CD109: variants seen among roughly 807,000 people sequenced by gnomAD.
The protein encoded by CD109 is CD109 molecule.
Under a neutral mutation model 165.8 loss-of-function variants are expected in CD109, and 149 were observed. That is an observed-to-expected ratio of 0.90 (90% CI 0.79 to 1.03). The LOEUF (loss-of-function observed/expected upper bound fraction) is 1.03, where lower values mean the gene tolerates loss of function less well. CD109 is among the 50% of genes least tolerant of loss of function. The probability of loss-of-function intolerance (pLI) is 0.00; values close to 1 mark genes in which losing one functional copy is unlikely to be tolerated. For synonymous variants in CD109, 585 were observed against 592.1 expected, an observed-to-expected ratio of 0.99 and a Z score of 0.18; for missense variants, 1,712 against 1,677.8, an observed-to-expected ratio of 1.02 and a Z score of -0.36.
At chr6:73,740,211 T>C (rs1448172468) in intron 5 of CD109, among the ~76,000 whole-genome samples, 1 of 152,150 alleles carries the variant, frequency 6.6e-6, no homozygotes. Context: ...ATTTTGTCTG[T>C]AGAAAAAATA....
upstream of CD109, among the ~76,000 whole-genome samples, chr6:73,692,792 G>A (rs1770711977): frequency 6.6e-6 from 1 of 152,122 alleles, no homozygotes. Context: ...TTATAAAGGG[G>A]AGTTCCCCTA....
At position 73,823,444 on chromosome 6, in the gene CD109, GCTT is replaced by G; in HGVS notation, c.4163-10_4163-8del. The stretch of plus-strand genomic sequence containing the variant: ...AAGGGAGCCGTGTGAACTGATGTCT[GCTT>G]CTTTGAACAGGGAGACAGGCGGTGA... On this transcript the variant is annotated splice_polypyrimidine_tract_variant and intron_variant, in intron 32 of 32. Transcript: ENST00000287097. 2 of 1,593,020 alleles carry G rather than the reference GCTT, an allele frequency of 1.3e-6. No homozygotes were observed. The highest frequency in any genetic ancestry group is 2.2e-5 in the South Asian group (2 of 89,372).
the CD109 span, among the ~76,000 whole-genome samples, chr6:73,688,674 G>A: frequency 1.3e-5 from 2 of 151,814 alleles, no homozygotes; most frequent in Admixed American, 1.3e-4. Context: ...GAGGGGAGAA[G>A]GGCTGGAAAT....
At chr6:73,681,717 C>A in the CD109 span, among the ~76,000 whole-genome samples, 4 of 152,010 alleles carry the variant, frequency 2.6e-5, no homozygotes, top group East Asian at 7.7e-4. Context: ...ATTCTCCTGT[C>A]TCAGACTCCT....
intron 5 of CD109, among the ~76,000 whole-genome samples, chr6:73,740,274 A>C (rs953949287): frequency 3.9e-5 from 6 of 152,192 alleles, no homozygotes; most frequent in African/African-American, 7.2e-5. Flanking sequence ...GAATTACCGG[A>C]GTTATCAGAG....
intron 5 of CD109, among the ~76,000 whole-genome samples, chr6:73,739,484 A>G (rs948571301): frequency 6.6e-6 from 1 of 152,154 alleles, no homozygotes; most frequent in African/African-American, 2.4e-5. Flanking sequence ...ACCATTAGAG[A>G]CTATATTTTT....
At position 73,780,448 on chromosome 6, in the gene CD109, A is replaced by G. The variant is rs1462994726; in HGVS notation, c.1852A>G (p.Asn618Asp). The change falls in exon 16 of 33, where the codon AAC becomes GAC. Residue 618 changes from asparagine (N) to aspartate (D), a missense_variant. Physicochemically the swap from Asn to Asp is conservative, Grantham distance 23. Transcript: ENST00000287097. ...GGTGGTCCATGAGTTGGAACTTTATAACACAGGATATTATTTAGGCATGTT... is the reference window on the plus strand; with the variant it reads ...GGTGGTCCATGAGTTGGAACTTTATGACACAGGATATTATTTAGGCATGTT... ...ENVVHELELY[N>D]TGYYLGMFMN... The G allele has an allele frequency of 5.0e-6, 8 of 1,607,822 alleles. No homozygotes were observed. In the African/African-American group the frequency reaches 1.1e-4, roughly 22 times the overall value.
At chr6:73,781,225 T>G in intron 16 of CD109, 34 bp from the exon 17 acceptor site, 2 of 1,554,450 alleles carry the variant, frequency 1.3e-6, no homozygotes, top group Non-Finnish European at 1.8e-6. Context: ...TTTAAACTTG[T>G]GTTTTAAAAG....
rs147041947 is a variant in CD109, at chr6:73,804,926, A to C, written c.2960+1625A>C. Reference sequence around the variant, plus strand: ...GCTCATCATCACTGGCCATCAGAGAAATGTAAATCAAAACCACAATGAGAT... The same window carrying C: ...GCTCATCATCACTGGCCATCAGAGACATGTAAATCAAAACCACAATGAGAT... On this transcript the variant is annotated intron_variant, in intron 24 of 32. Coordinates refer to ENST00000287097, the MANE Select transcript of CD109 (RefSeq NM_133493.5). Among the ~76,000 whole-genome samples, 84 of 152,354 alleles carry C rather than the reference A, an allele frequency of 5.5e-4. 1 individual carries two copies. The highest frequency in any genetic ancestry group is 1.9e-3 in the African/African-American group (81 of 41,588).
chr6:73,776,730 G>A (rs1347222251), intron 15 of CD109, among the ~76,000 whole-genome samples: 1 of 150,358 alleles, frequency 6.7e-6, no homozygotes, highest in Non-Finnish European at 1.5e-5. Flanking sequence ...GCTGATTTTT[G>A]TATTTTAATA....
chr6:73,734,433 A>G (rs1772474251), intron 4 of CD109, among the ~76,000 whole-genome samples: 1 of 152,190 alleles, frequency 6.6e-6, no homozygotes, highest in African/African-American at 2.4e-5. Context: ...GAAACACAAT[A>G]TTGTTTTCAT....
Position 73,696,285 on chromosome 6 carries a change from C to T in CD109, c.70C>T (p.Pro24Ser), listed in dbSNP as rs941441710. 3 of 1,524,790 alleles carry T rather than the reference C, an allele frequency of 2.0e-6. No homozygotes were observed. The Admixed American group carries it at 6.0e-5, about 31-fold the overall frequency. 94.5% of individuals were successfully genotyped at this position (1,524,790 alleles called of 1,614,324 possible). A position where few individuals can be genotyped will look rare whatever the true frequency, so the allele number is the denominator to read the frequency against. The change falls in exon 1 of 33, where the codon CCC (proline) becomes TCC (serine). Residue 24 changes from proline (P) to serine (S), a missense_variant. By Grantham distance (74) the Pro-to-Ser change is moderately conservative. Coordinates refer to ENST00000287097, the MANE Select transcript of CD109 (RefSeq NM_133493.5). ...CVCTAALAVA[P>S]GPRFLVTAPG... ...GTGCACCGCCGCGCTGGCCGTGGCTCCCGGGTAGGAACGTGGGCGCGCGGG... is the reference window on the plus strand; with the variant it reads ...GTGCACCGCCGCGCTGGCCGTGGCTTCCGGGTAGGAACGTGGGCGCGCGGG...
intron 2 of CD109, among the ~76,000 whole-genome samples, chr6:73,720,204 C>T (rs994494869): frequency 1.3e-5 from 2 of 152,080 alleles, no homozygotes; most frequent in African/African-American, 4.8e-5. Context: ...GAGGTCTTGT[C>T]ATTTTCAGTG....
At chr6:73,703,173 C>G (rs1212105560) in intron 2 of CD109, among the ~76,000 whole-genome samples, 1 of 152,182 alleles carries the variant, frequency 6.6e-6, no homozygotes, top group Non-Finnish European at 1.5e-5. Context: ...TATCTGAGGT[C>G]CAGAGACCAT....
At chr6:73,707,958 ATC>A (rs1291471073) in intron 2 of CD109, among the ~76,000 whole-genome samples, 2 of 118,014 alleles carry the variant, frequency 1.7e-5, no homozygotes, top group African/African-American at 6.7e-5. Flanking sequence ...TAAAATTGTT[ATC>A]TTTATATATA....
Position 73,697,429 on chromosome 6 carries a change from T to C in CD109, c.104T>C (p.Ile35Thr), listed in dbSNP as rs746044225. The C allele has an allele frequency of 2.5e-6, 4 of 1,614,058 alleles. No individual in the cohort carries two copies. Among genetic ancestry groups the C allele is most frequent in the East Asian group, 4.5e-5 (2 of 44,878 alleles). The change falls in exon 2 of 33, where the codon ATC becomes ACC. Residue 35 changes from isoleucine to threonine, a missense_variant. By Grantham distance (89) the Ile-to-Thr change is moderately conservative. Transcript: ENST00000287097. The stretch of plus-strand genomic sequence containing the variant: ...CGGTTTCTGGTGACAGCCCCAGGGA[T>C]CATCAGGCCCGGAGGAAATGTGACT... ...GPRFLVTAPGIIRPGGNVTIG... is the reference protein window; with the variant it reads ...GPRFLVTAPGTIRPGGNVTIG...
chr6:73,723,179 TTTGGAAGG>T, intron 2 of CD109, 64 bp from the exon 3 acceptor site: 1 of 1,605,540 alleles, frequency 6.2e-7, no homozygotes, highest in East Asian at 2.2e-5. Context: ...TTGGGAGAGT[TTTGGAAGG>T]TTTGTATTCT....
intron 17 of CD109, 34 bp downstream of exon 17, chr6:73,781,353 C>T: frequency 6.6e-7 from 1 of 1,525,770 alleles, no homozygotes; most frequent in Non-Finnish European, 9.1e-7. Context: ...TTGTATTTGT[C>T]TTTCACATGA....
chr6:73,712,856 A>G (rs1450822157), intron 2 of CD109, among the ~76,000 whole-genome samples: 1 of 152,196 alleles, frequency 6.6e-6, no homozygotes, highest in African/African-American at 2.4e-5. Context: ...AGTTATCTAT[A>G]AAAACACTAA....
Sources: gnomAD v4.1 joint callset for allele counts (sites outside exome capture counted in the v4.1 genomes callset) on GRCh38, gnomAD v4.1.1 for gene constraint, MANE v1.5 for transcripts, NCBI Gene and HGNC (gene_info 2026-07-23, HGNC 2026-07-21) for gene names.